DCC: variants seen among roughly 807,000 people sequenced by gnomAD.
DCC encodes the protein DCC netrin 1 receptor, also known as netrin receptor DCC.
Under a neutral mutation model 172.5 loss-of-function variants are expected in DCC, and 58 were observed. That is an observed-to-expected ratio of 0.34 (90% CI 0.27 to 0.42). DCC has a LOEUF of 0.42. Ranked by LOEUF, DCC falls within the 10% of genes least tolerant of loss-of-function variation. The probability of loss-of-function intolerance (pLI) is 1.00; values close to 1 mark genes in which losing one functional copy is unlikely to be tolerated. For synonymous variants in DCC, 709 were observed against 644.5 expected (o/e 1.10, Z -1.52); for missense variants, 1,740 against 1,791.0 (o/e 0.97, Z 0.51).
intron 16 of DCC, among the ~76,000 whole-genome samples, chr18:53,387,070 G>A (rs2144997973): frequency 6.6e-6 from 1 of 152,288 alleles, no homozygotes; most frequent in South Asian, 2.1e-4. Context: ...CGAAAACAGA[G>A]GATCTGAGAT....
chr18:52,364,323 A>C (rs1296184990), intron 1 of DCC, among the ~76,000 whole-genome samples: 2 of 152,164 alleles, frequency 1.3e-5, no homozygotes, highest in African/African-American at 4.8e-5. Context: ...CAATGAGGAA[A>C]GCATTTAAAC....
rs541791694 is a variant in DCC at position 52,720,369 on chromosome 18, G to A, written c.92-31685G>A. Among the ~76,000 whole-genome samples, 15 of 152,256 alleles carry A rather than the reference G, an allele frequency of 9.9e-5. No homozygotes were observed. The South Asian group carries it at 3.1e-3, about 32-fold the overall frequency. On this transcript the variant is annotated intron_variant, in intron 1 of 28. Coordinates refer to ENST00000442544, the MANE Select transcript of DCC (RefSeq NM_005215.4). Reference sequence around the variant, plus strand: ...GTTAAATTTTTGAAATTATTTTCTGGTTTGGAATGTAGATCCAGAATTTGA... The same window carrying A: ...GTTAAATTTTTGAAATTATTTTCTGATTTGGAATGTAGATCCAGAATTTGA...
At chr18:52,884,389 CTT>C (rs201014727) in intron 2 of DCC, among the ~76,000 whole-genome samples, 2 of 147,550 alleles carry the variant, frequency 1.4e-5, no homozygotes, top group African/African-American at 2.5e-5. Flanking sequence ...TTTTTTATTC[CTT>C]TTTTTTTTAT....
At chr18:52,868,271 C>T (rs374850146) in intron 2 of DCC, among the ~76,000 whole-genome samples, 1 of 151,888 alleles carries the variant, frequency 6.6e-6, no homozygotes, top group Admixed American at 6.6e-5. Flanking sequence ...ATGTAATTTT[C>T]CAGGTATAAA....
At chr18:53,328,344 C>A (rs2057491913) in intron 14 of DCC, among the ~76,000 whole-genome samples, 3 of 152,110 alleles carry the variant, frequency 2.0e-5, no homozygotes, top group Admixed American at 2.0e-4. Context: ...TATTCTTGGG[C>A]AAATAACTTT....
At chr18:52,758,844 A>C (rs1377784647) in intron 2 of DCC, 1 of 152,172 alleles carries the variant, frequency 6.6e-6, no homozygotes, top group Non-Finnish European at 1.5e-5. Flanking sequence ...GCAGTCTGGA[A>C]AATGTATCCC....
intron 2 of DCC, among the ~76,000 whole-genome samples, chr18:52,797,020 T>C (rs78057575): frequency 6.6e-6 from 1 of 151,714 alleles, no homozygotes; most frequent in Non-Finnish European, 1.5e-5. Flanking sequence ...CTTTTTTTTT[T>C]CTTCTGCCTG....
chr18:53,333,228 T>C (rs1164964868), intron 14 of DCC, among the ~76,000 whole-genome samples: 5 of 152,238 alleles, frequency 3.3e-5, no homozygotes, highest in Admixed American at 6.5e-5. Flanking sequence ...AGGGAAGTGA[T>C]GTCCTTTGGT....
intron 21 of DCC, among the ~76,000 whole-genome samples, chr18:53,431,133 G>A (rs1364272251): frequency 6.6e-6 from 1 of 151,996 alleles, no homozygotes; most frequent in African/African-American, 2.4e-5. Flanking sequence ...ACTCAAAACA[G>A]CTACAAACTC....
chr18:53,477,353 G>A (rs1278576136), intron 25 of DCC, among the ~76,000 whole-genome samples: 1 of 152,158 alleles, frequency 6.6e-6, no homozygotes, highest in East Asian at 1.9e-4. Flanking sequence ...CTTTGCATCT[G>A]AGATGATTGA....
chr18:53,332,569 T>C (rs1415139540), intron 14 of DCC, among the ~76,000 whole-genome samples: 1 of 152,046 alleles, frequency 6.6e-6, no homozygotes, highest in African/African-American at 2.4e-5. Flanking sequence ...ACCTATATGG[T>C]TTGAAAATTT....
rs573805622 is a variant in DCC, at chr18:52,566,685, C to G, written c.92-185369C>G. ...GGGCTACAGCAGCTTTTTGAGAAGG[C>G]TGGAATTGGGAAAACAAGATTCACG... is the stretch of plus-strand genomic sequence containing the variant. On this transcript the variant is annotated intron_variant, in intron 1 of 28. Transcript: ENST00000442544. Among the ~76,000 whole-genome samples, 4 of 152,018 alleles carry G rather than the reference C, an allele frequency of 2.6e-5. No homozygotes were observed. The East Asian group carries it at 7.7e-4, about 29-fold the overall frequency.
At chr18:53,495,884 T>C (rs1034490032) in intron 26 of DCC, among the ~76,000 whole-genome samples, 1 of 152,168 alleles carries the variant, frequency 6.6e-6, no homozygotes, top group African/African-American at 2.4e-5. Context: ...TGATATCCTT[T>C]CTTCCCAAGC....
chr18:52,928,389 C>T (rs989027043), intron 5 of DCC, among the ~76,000 whole-genome samples: 12 of 152,180 alleles, frequency 7.9e-5, no homozygotes, highest in African/African-American at 2.9e-4. Context: ...CAGTGAGATG[C>T]AACTTATCTA....
intron 5 of DCC, among the ~76,000 whole-genome samples, chr18:53,020,425 C>T (rs962220598): frequency 6.6e-6 from 1 of 152,242 alleles, no homozygotes; most frequent in African/African-American, 2.4e-5. Flanking sequence ...CCTATATTAA[C>T]ATGTTCATAA....
At chr18:52,856,867 G>C (rs1172316646) in intron 2 of DCC, among the ~76,000 whole-genome samples, 2 of 152,006 alleles carry the variant, frequency 1.3e-5, no homozygotes, top group African/African-American at 2.4e-5. Context: ...TCCCTCCTTG[G>C]CCCACAAATT....
At chr18:53,261,848 A>G (rs903763851) in intron 12 of DCC, among the ~76,000 whole-genome samples, 1 of 152,060 alleles carries the variant, frequency 6.6e-6, no homozygotes, top group Non-Finnish European at 1.5e-5. Context: ...ATCACCCCCA[A>G]TTAGTACTGG....
intron 7 of DCC, among the ~76,000 whole-genome samples, chr18:53,078,331 T>C (rs538046497): frequency 6.6e-6 from 1 of 152,250 alleles, no homozygotes; most frequent in African/African-American, 2.4e-5. Flanking sequence ...TTTACCTAGA[T>C]ATTGATTTTT....
intron 2 of DCC, among the ~76,000 whole-genome samples, chr18:52,858,386 TC>T (rs2039085708): frequency 6.6e-6 from 1 of 152,094 alleles, no homozygotes; most frequent in African/African-American, 2.4e-5. Context: ...TTTCAACAAT[TC>T]CAGCAGTACT....
Sources: gnomAD v4.1 joint callset for allele counts (sites outside exome capture counted in the v4.1 genomes callset) on GRCh38, gnomAD v4.1.1 for gene constraint, MANE v1.5 for transcripts, NCBI Gene and HGNC (gene_info 2026-07-23, HGNC 2026-07-21) for gene names.